Variants in HMCN2 observed in about 807,000 individuals in gnomAD.
HMCN2 encodes the protein hemicentin-2.
In HMCN2, 325 loss-of-function variants were observed where a neutral mutation model predicts 377.5. The ratio of observed to expected loss-of-function variants is 0.86; its 90% CI spans 0.79 to 0.94. The LOEUF is 0.94. Ranked by LOEUF, HMCN2 falls within the 40% of genes least tolerant of loss-of-function variation. The probability of loss-of-function intolerance (pLI) is 0.00; values close to 1 mark genes in which losing one functional copy is unlikely to be tolerated. For missense variants in HMCN2, 4,543 were observed against 4,725.3 expected, an observed-to-expected ratio of 0.96 and a Z score of 1.13; for synonymous variants, 2,007 against 2,046.8, an observed-to-expected ratio of 0.98 and a Z score of 0.53.
chr9:130,408,359 A>G (rs764937143), intron 83 of HMCN2, among the ~76,000 whole-genome samples: 13 of 152,040 alleles, frequency 8.6e-5, no homozygotes, highest in Non-Finnish European at 1.6e-4. Context: ...GTTTTTTTAT[A>G]GTTATTGATT....
rs1840864604 is a variant in HMCN2 at position 130,369,018 on chromosome 9, C to T, written c.6788-552C>T. Among the ~76,000 whole-genome samples the T allele has an allele frequency of 1.3e-5, 2 of 152,168 alleles. No individual in the cohort carries two copies. The highest frequency in any genetic ancestry group is 2.9e-5 in the Non-Finnish European group (2 of 68,030). The stretch of plus-strand genomic sequence containing the variant: ...AGCATTGGGGGTGGGGGCAGCAGCA[C>T]AGTCCCTAAGGGCCCCCCAGTGGTC... On this transcript the variant is annotated intron_variant, in intron 44 of 97. Transcript: ENST00000683500. The surrounding 1 kb of genome is among the most constrained non-coding windows in gnomAD (Gnocchi z 4.5).
chr9:130,413,468 G>A (rs1843526523), intron 85 of HMCN2, among the ~76,000 whole-genome samples: 1 of 152,116 alleles, frequency 6.6e-6, no homozygotes, highest in South Asian at 2.1e-4. Context: ...CATGGAATAG[G>A]TTTGTGGTCC....
chr9:130,392,749 C>G (rs1408745707), intron 66 of HMCN2, among the ~76,000 whole-genome samples: 2 of 151,852 alleles, frequency 1.3e-5, no homozygotes. Flanking sequence ...TGTAATCCAG[C>G]ACTTTGGGAG....
rs1243304270 is a variant in HMCN2 at position 130,416,102 on chromosome 9, T to TTA, written c.12962-2669_12962-2668insAT. Among the ~76,000 whole-genome samples, 8 of 44,974 alleles carry TTA rather than the reference T, an allele frequency of 1.8e-4. No individual in the cohort carries two copies. The South Asian group carries it at 3.5e-3, about 20-fold the overall frequency. The allele number at this position is 44,974 out of a possible 152,430, so 29.5% of individuals were successfully genotyped here. A position where few individuals can be genotyped will look rare whatever the true frequency, so the allele number is the denominator to read the frequency against. On this transcript the variant is annotated intron_variant, in intron 85 of 97. Transcript: ENST00000683500. ...TTATCCAAAGTTCTAGAGGCTTTAT[T>TTA]TTTTTTTTTTTTTTTTTTTGGAGAC...
chr9:130,426,956 T>C (rs1440810741), intron 90 of HMCN2, among the ~76,000 whole-genome samples: 1 of 152,178 alleles, frequency 6.6e-6, no homozygotes, highest in Non-Finnish European at 1.5e-5. Flanking sequence ...GCTGCCCGTC[T>C]GACGCTATCC....
chr9:130,399,400 T>C, intron 75 of HMCN2, 111 bp from the exon 76 acceptor site: 1 of 1,134,282 alleles, frequency 8.8e-7, no homozygotes, highest in South Asian at 1.9e-5. Context: ...GAGTCAGGGC[T>C]GGAGGTCAGA....
At chr9:130,348,472 C>T in intron 26 of HMCN2, 73 bp from the exon 27 acceptor site, 3 of 1,271,994 alleles carry the variant, frequency 2.4e-6, no homozygotes, top group Non-Finnish European at 3.1e-6. Flanking sequence ...GAGGGAATGG[C>T]CCAGATGAGG....
chr9:130,366,933 C>T (rs961700921), intron 43 of HMCN2, among the ~76,000 whole-genome samples: 4 of 151,896 alleles, frequency 2.6e-5, no homozygotes, highest in South Asian at 2.1e-4. Flanking sequence ...AGCTAGGAAG[C>T]GGGAAAGATG....
At chr9:130,384,046 G>A (rs1345465495) in intron 57 of HMCN2, among the ~76,000 whole-genome samples, 4 of 152,198 alleles carry the variant, frequency 2.6e-5, no homozygotes, top group Non-Finnish European at 4.4e-5. Flanking sequence ...CACTGCAGTG[G>A]CTGTGAGTTC....
At chr9:130,346,733 T>C in intron 25 of HMCN2, among the ~76,000 whole-genome samples, 1 of 151,994 alleles carries the variant, frequency 6.6e-6, no homozygotes, top group South Asian at 2.1e-4. Flanking sequence ...CTGGCCCTCG[T>C]CGGGTGGGGG....
chr9:130,399,061 T>C (rs895948445), intron 75 of HMCN2, among the ~76,000 whole-genome samples: 3 of 151,952 alleles, frequency 2.0e-5, no homozygotes, highest in African/African-American at 7.3e-5. Flanking sequence ...AAGACCAGAC[T>C]GGGCAACATA....
At position 130,320,836 on chromosome 9, in the gene HMCN2, C is replaced by T. The variant is rs1163216466; in HGVS notation, c.2708C>T (p.Ser903Phe). The T allele has an allele frequency of 2.6e-5, 4 of 152,346 alleles. No individual in the cohort carries two copies. The highest frequency in any genetic ancestry group is 4.8e-5 in the African/African-American group (2 of 41,454). The allele number at this position is 152,346 out of a possible 1,614,324, so 9.4% of individuals were successfully genotyped here. Residue 903 changes from serine (S) to phenylalanine (F), a missense_variant, in exon 18 of 98, where the codon TCC (serine) becomes TTC (phenylalanine). Ser to Phe is a radical substitution (Grantham distance 155). Around this residue, in one of 5 missense-constraint regions of HMCN2, gnomAD observed 547 missense variants for 189.9 expected, o/e 2.88. Coordinates refer to ENST00000683500, the MANE Select transcript of HMCN2 (RefSeq NM_001291815.2). ...CGGGTCCTGGAGGGGCAGCCCGTGT[C>T]CCTGCCCTGCATCGTCCTAGCTGGG... The part of the protein sequence containing the change: ...TVRVLEGQPV[S>F]LPCIVLAGRP...
At chr9:130,429,940 G>A (rs575134688) in intron 94 of HMCN2, 26 of 673,620 alleles carry the variant, frequency 3.9e-5, no homozygotes, top group South Asian at 3.1e-4. Context: ...GTCATCTTCC[G>A]GGGAATTTCA....
chr9:130,358,301 C>A, intron 35 of HMCN2, 89 bp from the exon 36 acceptor site: 1 of 1,291,698 alleles, frequency 7.7e-7, no homozygotes, highest in South Asian at 1.2e-5. Flanking sequence ...CTGCTCCTGC[C>A]CCCGGGCTCG....
Position 130,351,505 on chromosome 9 carries a change from G to C in HMCN2, c.4513G>C (p.Glu1505Gln), listed in dbSNP as rs1197017390. Residue 1505 changes from glutamate to glutamine, a missense_variant, in exon 30 of 98, where the codon GAG (glutamate) becomes CAG (glutamine). By Grantham distance (29) the Glu-to-Gln change is conservative (BLOSUM62 2). Around this residue, in one of 5 missense-constraint regions of HMCN2, gnomAD observed 1,032 missense variants for 1,285.1 expected, o/e 0.80. Coordinates refer to ENST00000683500, the MANE Select transcript of HMCN2 (RefSeq NM_001291815.2). This position sits in a 1 kb window ranked among gnomAD's most constrained non-coding sequence, Gnocchi z 5.4. ...LRITGSHVGD[E>Q]GRYQCVAFSP... Reference sequence around the variant, plus strand: ...GATCACCGGCAGTCACGTGGGGGATGAGGGACGATACCAGTGCGTGGCCTT... The same window carrying C: ...GATCACCGGCAGTCACGTGGGGGATCAGGGACGATACCAGTGCGTGGCCTT... 1 of 1,304,160 alleles carries C rather than the reference G, an allele frequency of 7.7e-7. No individual in the cohort carries two copies. The highest frequency in any genetic ancestry group is 1.0e-6 in the Non-Finnish European group (1 of 988,954). The allele number at this position is 1,304,160 out of a possible 1,614,324, so 80.8% of individuals were successfully genotyped here. A position where few individuals can be genotyped will look rare whatever the true frequency, so the allele number is the denominator to read the frequency against.
In HMCN2 at chr9:130,407,721, C is replaced by T. The variant is rs1843179041; in HGVS notation, c.12688+16C>T. The stretch of plus-strand genomic sequence containing the variant: ...CACGTGAAGGGTAGGGCACATTCCC[C>T]AGGTGGCTTCTCTCTCAAGACCTCC... On this transcript the variant is annotated intron_variant, in intron 83 of 97. Coordinates refer to ENST00000683500, the MANE Select transcript of HMCN2 (RefSeq NM_001291815.2). 2 of 1,192,594 alleles carry T rather than the reference C, an allele frequency of 1.7e-6. No homozygotes were observed. Among genetic ancestry groups the T allele is most frequent in the Admixed American group, 6.9e-5 (2 of 29,020 alleles). The allele number at this position is 1,192,594 out of a possible 1,614,324, so 73.9% of individuals were successfully genotyped here.
At position 130,396,078 on chromosome 9, in the gene HMCN2, C is replaced by CCG; in HGVS notation, c.11053+13_11053+14insCG. On this transcript the variant is annotated intron_variant, in intron 72 of 97. Coordinates refer to ENST00000683500, the MANE Select transcript of HMCN2 (RefSeq NM_001291815.2). ...GTGGAGATCCACAGTGAGTAGGGCC[C>CCG]GCCCCACCCCACCCTGCCCACCTTA... 20 of 1,230,876 alleles carry CCG rather than the reference C, an allele frequency of 1.6e-5. No individual in the cohort carries two copies. Among genetic ancestry groups the CCG allele is most frequent in the Non-Finnish European group, 1.8e-5 (17 of 947,086 alleles). The allele number at this position is 1,230,876 out of a possible 1,614,324, so 76.2% of individuals were successfully genotyped here.
chr9:130,349,419 G>C (rs1839573402), intron 28 of HMCN2, 118 bp from the exon 29 acceptor site: 1 of 1,158,890 alleles, frequency 8.6e-7, no homozygotes, highest in African/African-American at 1.6e-5. Flanking sequence ...GGGCTTCCCA[G>C]GAAGGTCAGG....
chr9:130,430,830 A>G, intron 95 of HMCN2: 2 of 556,802 alleles, frequency 3.6e-6, no homozygotes, highest in South Asian at 5.3e-5. Flanking sequence ...TTTTTAAACC[A>G]TTTGACTTCA....
Sources: allele counts gnomAD v4.1 joint callset (sites outside exome capture counted in the v4.1 genomes callset), GRCh38; gene constraint gnomAD v4.1.1; regional missense constraint gnomAD v4.1.1; non-coding constraint Gnocchi (gnomAD v3.1); transcripts MANE v1.5; gene names NCBI Gene and HGNC (gene_info 2026-07-23, HGNC 2026-07-21).